CNBD1: variants seen among roughly 807,000 people sequenced by gnomAD.
CNBD1 encodes the protein cyclic nucleotide-binding domain-containing protein 1.
A neutral mutation model predicts 54.4 loss-of-function variants in CNBD1; 71 were observed. The observed-to-expected ratio is 1.30, with a 90% CI of 1.08 to 1.59. The LOEUF is 1.59. Ranked by LOEUF, CNBD1 falls within the 40% of genes most tolerant of loss-of-function variation. The pLI, the probability that CNBD1 is intolerant of heterozygous loss-of-function variation, is 0.00. For missense variants in CNBD1, 659 were observed against 518.0 expected, an observed-to-expected ratio of 1.27 and a Z score of -2.64; for synonymous variants, 182 against 170.7, an observed-to-expected ratio of 1.07 and a Z score of -0.51.
chr8:87,347,186 T>C (rs1196455011), intron 8 of CNBD1, among the ~76,000 whole-genome samples: 1 of 152,242 alleles, frequency 6.6e-6, no homozygotes, highest in Non-Finnish European at 1.5e-5. Context: ...TGATAAATTC[T>C]GTTGCTGTTC....
intron 2 of CNBD1, among the ~76,000 whole-genome samples, chr8:86,895,068 A>G (rs1808829774): frequency 6.6e-6 from 1 of 152,130 alleles, no homozygotes; most frequent in African/African-American, 2.4e-5. Context: ...CTAATGTGAT[A>G]ATGGCATTAA....
At chr8:87,386,775 C>T (rs568455657), downstream of CNBD1, among the ~76,000 whole-genome samples, 9 of 152,200 alleles carry the variant, frequency 5.9e-5, no homozygotes, top group Admixed American at 4.6e-4. Flanking sequence ...AGATACTCCT[C>T]AAGAAGAGCA....
chr8:87,325,320 C>T lies in CNBD1; in HGVS notation c.1043-26365C>T, dbSNP rs543080549. On this transcript the variant is annotated intron_variant, in intron 8 of 10. Coordinates refer to ENST00000518476, the MANE Select transcript of CNBD1 (RefSeq NM_173538.3). Reference sequence around the variant, plus strand: ...GAGTTCTGTAGATGTCTATTAGGTCCGCTTGGTACAGAGCTGAGTTCAATT... The same window carrying T: ...GAGTTCTGTAGATGTCTATTAGGTCTGCTTGGTACAGAGCTGAGTTCAATT... Among the ~76,000 whole-genome samples, 13 of 93,136 alleles carry T rather than the reference C, an allele frequency of 1.4e-4. 1 individual carries two copies. The highest frequency in any genetic ancestry group is 3.8e-4 in the Admixed American group (4 of 10,662). The allele number at this position is 93,136 out of a possible 152,430, so 61.1% of individuals were successfully genotyped here. A position where few individuals can be genotyped will look rare whatever the true frequency, so the allele number is the denominator to read the frequency against.
At chr8:86,886,828 ATTC>A (rs1392184698) in intron 1 of CNBD1, among the ~76,000 whole-genome samples, 5 of 152,306 alleles carry the variant, frequency 3.3e-5, no homozygotes, top group African/African-American at 1.2e-4. Context: ...AATAGCACTC[ATTC>A]TTCTGCAGTA....
chr8:87,389,885 G>T (rs1038056797), intron 2 of CNBD1, among the ~76,000 whole-genome samples: 2 of 152,120 alleles, frequency 1.3e-5, no homozygotes, highest in African/African-American at 4.8e-5. Context: ...GCATGGTACT[G>T]GTACCTAAAC....
intron 5 of CNBD1, among the ~76,000 whole-genome samples, chr8:87,220,691 A>T (rs571303214): frequency 9.2e-5 from 14 of 151,990 alleles, no homozygotes; most frequent in Admixed American, 9.2e-4. Context: ...TGTCATACAG[A>T]TATGTTATAC....
chr8:87,404,808 C>T (rs1439461773), intron 2 of CNBD1, among the ~76,000 whole-genome samples: 1 of 144,240 alleles, frequency 6.9e-6, no homozygotes, highest in East Asian at 2.0e-4. Flanking sequence ...GTCAGTCATC[C>T]TTTTTATTTA....
At chr8:87,351,189 G>T (rs538314799) in intron 8 of CNBD1, among the ~76,000 whole-genome samples, 26 of 152,264 alleles carry the variant, frequency 1.7e-4, no homozygotes, top group African/African-American at 6.0e-4. Context: ...GGTTCAAACT[G>T]GGCCAATGTG....
chr8:87,377,450 A>C (rs890524705), intron 10 of CNBD1, among the ~76,000 whole-genome samples: 3 of 151,776 alleles, frequency 2.0e-5, no homozygotes, highest in African/African-American at 7.3e-5. Context: ...ATGATTTCCA[A>C]TTTCATCCAT....
At chr8:87,355,762 G>C (rs777788062) in intron 10 of CNBD1, among the ~76,000 whole-genome samples, 28 of 152,056 alleles carry the variant, frequency 1.8e-4, no homozygotes, top group South Asian at 8.3e-4. Context: ...CTGTTATCCT[G>C]AATTTCAATT....
chr8:87,033,920 A>G (rs1809850059), intron 4 of CNBD1, among the ~76,000 whole-genome samples: 1 of 152,152 alleles, frequency 6.6e-6, no homozygotes, highest in Non-Finnish European at 1.5e-5. Context: ...AGGTTGTCAC[A>G]TAATGACTTA....
chr8:87,367,300 C>T (rs137885745), intron 10 of CNBD1, among the ~76,000 whole-genome samples: 3 of 152,174 alleles, frequency 2.0e-5, no homozygotes, highest in African/African-American at 7.2e-5. Flanking sequence ...CAATAGTGTA[C>T]TCTACTGTGG....
intron 4 of CNBD1, among the ~76,000 whole-genome samples, chr8:86,969,093 C>T (rs1245030979): frequency 6.6e-6 from 1 of 152,082 alleles, no homozygotes; most frequent in Non-Finnish European, 1.5e-5. Context: ...CTCGAATTTT[C>T]CTTTGGTTTA....
At chr8:87,037,956 G>A (rs975861334) in intron 4 of CNBD1, among the ~76,000 whole-genome samples, 6 of 152,152 alleles carry the variant, frequency 3.9e-5, no homozygotes, top group Admixed American at 2.6e-4. Context: ...CTAAAGCTTA[G>A]TATAAACTTT....
At chr8:87,387,991 G>A (rs943592585) in intron 2 of CNBD1, among the ~76,000 whole-genome samples, 1 of 152,116 alleles carries the variant, frequency 6.6e-6, no homozygotes, top group Non-Finnish European at 1.5e-5. Flanking sequence ...TGAACAACCT[G>A]CTCCTGAATG....
chr8:87,376,166 T>C (rs1008832938), intron 10 of CNBD1, among the ~76,000 whole-genome samples: 1 of 151,948 alleles, frequency 6.6e-6, no homozygotes, highest in South Asian at 2.1e-4. Flanking sequence ...ACTGCTTCAA[T>C]GCATTACCAT....
intron 1 of CNBD1, among the ~76,000 whole-genome samples, chr8:86,885,287 T>C (rs779879284): frequency 7.2e-5 from 11 of 152,238 alleles, no homozygotes; most frequent in Non-Finnish European, 1.5e-4. Flanking sequence ...CATTGGAATT[T>C]AGTTCTTCTA....
chr8:87,425,124 G>T (rs1299990304), intron 2 of CNBD1, among the ~76,000 whole-genome samples: 4 of 151,934 alleles, frequency 2.6e-5, no homozygotes, highest in Non-Finnish European at 5.9e-5. Flanking sequence ...GGCTCCTGAG[G>T]CTTCTGCATT....
At chr8:87,281,733 A>G (rs558627887) in intron 6 of CNBD1, among the ~76,000 whole-genome samples, 21 of 150,612 alleles carry the variant, frequency 1.4e-4, no homozygotes, top group African/African-American at 4.6e-4. Flanking sequence ...GTTTATTTTA[A>G]TAGATATTGC....
Sources: gnomAD v4.1 joint callset for allele counts (sites outside exome capture counted in the v4.1 genomes callset) on GRCh38, gnomAD v4.1.1 for gene constraint, MANE v1.5 for transcripts, NCBI Gene and HGNC (gene_info 2026-07-23, HGNC 2026-07-21) for gene names.